TRPC4: variants seen among roughly 807,000 people sequenced by gnomAD.
TRPC4 encodes the protein short transient receptor potential channel 4.
In TRPC4, 49 loss-of-function variants were observed where a neutral mutation model predicts 99.4. That is an observed-to-expected ratio of 0.49 (90% CI 0.39 to 0.63). TRPC4 has a LOEUF of 0.63. Ranked by LOEUF, TRPC4 falls within the 20% of genes least tolerant of loss-of-function variation. TRPC4 has a pLI of 0.00. For synonymous variants in TRPC4, 454 were observed against 425.9 expected (o/e 1.07, Z -0.81); for missense variants, 898 against 1,152.9 (o/e 0.78, Z 3.20).
chr13:37,665,735 C>G (rs950550714), intron 5 of TRPC4, among the ~76,000 whole-genome samples: 1 of 151,404 alleles, frequency 6.6e-6, no homozygotes, highest in Non-Finnish European at 1.5e-5. Context: ...GGTTTAACAT[C>G]CAGGTCAGCT....
intron 8 of TRPC4, among the ~76,000 whole-genome samples, chr13:37,646,567 C>T (rs1951866153): frequency 6.6e-6 from 1 of 152,104 alleles, no homozygotes; most frequent in East Asian, 1.9e-4. Context: ...AAGCTCAGAT[C>T]TACTATGTAC....
At chr13:37,858,200 C>T (rs916415733) in intron 1 of TRPC4, among the ~76,000 whole-genome samples, 1 of 151,572 alleles carries the variant, frequency 6.6e-6, no homozygotes, top group African/African-American at 2.4e-5. Flanking sequence ...AAATGCAAAT[C>T]AAAACTACAA....
At chr13:37,704,818 C>T (rs1954213727) in intron 3 of TRPC4, among the ~76,000 whole-genome samples, 1 of 152,012 alleles carries the variant, frequency 6.6e-6, no homozygotes, top group African/African-American at 2.4e-5. Context: ...ATTATCATGG[C>T]ATATCATCAT....
chr13:37,739,986 C>A (rs1054140447), intron 3 of TRPC4, among the ~76,000 whole-genome samples: 1 of 152,080 alleles, frequency 6.6e-6, no homozygotes, highest in Non-Finnish European at 1.5e-5. Flanking sequence ...CAGTGGTTAA[C>A]AATGGTCAGC....
At chr13:37,784,953 G>A (rs1050970817) in intron 1 of TRPC4, among the ~76,000 whole-genome samples, 8 of 151,968 alleles carry the variant, frequency 5.3e-5, no homozygotes, top group Admixed American at 2.6e-4. Context: ...ATAGTATTTT[G>A]TAAAGCTACC....
intron 10 of TRPC4, among the ~76,000 whole-genome samples, chr13:37,638,251 C>A (rs1951597027): frequency 6.6e-6 from 1 of 152,080 alleles, no homozygotes; most frequent in Admixed American, 6.6e-5. Context: ...CTGCCCCAAC[C>A]TATCTCCTAA....
At chr13:37,668,597 T>C (rs945124787) in intron 5 of TRPC4, among the ~76,000 whole-genome samples, 3 of 152,170 alleles carry the variant, frequency 2.0e-5, no homozygotes, top group South Asian at 2.1e-4. Context: ...GCAGCAGTGT[T>C]AAGAGAGAAA....
chr13:37,834,594 T>C (rs1490603096), intron 1 of TRPC4, among the ~76,000 whole-genome samples: 1 of 152,206 alleles, frequency 6.6e-6, no homozygotes, highest in African/African-American at 2.4e-5. Flanking sequence ...GCCATACTTA[T>C]TGTGTTATGT....
intron 3 of TRPC4, among the ~76,000 whole-genome samples, chr13:37,696,110 A>C (rs1289987460): frequency 1.3e-5 from 2 of 152,202 alleles, no homozygotes; most frequent in Non-Finnish European, 2.9e-5. Context: ...GGTAAGAGGC[A>C]CATCTCACAT....
At chr13:37,795,090 T>C (rs1379367878) in intron 1 of TRPC4, among the ~76,000 whole-genome samples, 5 of 152,180 alleles carry the variant, frequency 3.3e-5, no homozygotes, top group African/African-American at 9.6e-5. Flanking sequence ...TTAGATAATA[T>C]GTATTTTTTA....
chr13:37,699,399 A>G (rs1566105805), intron 3 of TRPC4, among the ~76,000 whole-genome samples: 1 of 152,178 alleles, frequency 6.6e-6, no homozygotes, highest in Non-Finnish European at 1.5e-5. Flanking sequence ...AATAATAATT[A>G]AAAGATTTAT....
At chr13:37,847,780 G>A (rs1424647238) in intron 1 of TRPC4, among the ~76,000 whole-genome samples, 1 of 152,062 alleles carries the variant, frequency 6.6e-6, no homozygotes, top group Non-Finnish European at 1.5e-5. Context: ...TTTATAGATG[G>A]ATAAAGTGGA....
At chr13:37,749,045 C>T (rs1045273916) in intron 2 of TRPC4, among the ~76,000 whole-genome samples, 8 of 152,038 alleles carry the variant, frequency 5.3e-5, no homozygotes, top group Non-Finnish European at 1.0e-4. Flanking sequence ...ATGGTTTCTC[C>T]CATGCTGTTC....
At chr13:37,790,751 C>T (rs996374207) in intron 1 of TRPC4, among the ~76,000 whole-genome samples, 1 of 152,072 alleles carries the variant, frequency 6.6e-6, no homozygotes, top group African/African-American at 2.4e-5. Flanking sequence ...ATATTATCCT[C>T]CCCCCTTTGG....
chr13:37,656,339 G>A (rs983832343), intron 6 of TRPC4, among the ~76,000 whole-genome samples: 4 of 152,024 alleles, frequency 2.6e-5, no homozygotes, highest in Admixed American at 6.6e-5. Flanking sequence ...TCTCATACAC[G>A]GCATGATGAC....
At chr13:37,741,158 C>T (rs558177872) in intron 3 of TRPC4, among the ~76,000 whole-genome samples, 1 of 152,116 alleles carries the variant, frequency 6.6e-6, no homozygotes, top group Non-Finnish European at 1.5e-5. Context: ...TAATTACTTA[C>T]TTCACAATAT....
chr13:37,770,723 A>C (rs532861517), intron 2 of TRPC4, among the ~76,000 whole-genome samples: 7 of 151,746 alleles, frequency 4.6e-5, no homozygotes, highest in Admixed American at 4.6e-4. Context: ...TAATTTATCG[A>C]ATACACATTT....
rs745417913 is a variant in TRPC4, at chr13:37,746,144, C to T, written c.690G>A (p.Leu230=). 2.7e-5 allele frequency: 44 copies of T among 1,613,732 alleles called. No homozygotes were observed. The highest frequency in any genetic ancestry group is 3.1e-5 in the Non-Finnish European group (37 of 1,179,888). Residue 230 remains leucine (L), a synonymous_variant, in exon 3 of 11, where the codon CTG becomes CTA. Coordinates refer to ENST00000379705, the MANE Select transcript of TRPC4 (RefSeq NM_016179.4). The part of the protein sequence containing the change: ...AFQLSWELQE[L]SKVENEFKSE... ...ACTTGAATTCATTTTCCACCTTGCT[C>T]AGTTCCTGAAGTTCCCAACTTAACT...
chr13:37,823,566 A>G (rs951646257), intron 1 of TRPC4, among the ~76,000 whole-genome samples: 5 of 152,020 alleles, frequency 3.3e-5, no homozygotes, highest in Admixed American at 6.6e-5. Flanking sequence ...AGGTTTGTCA[A>G]AGATCAAATA....
Sources: gnomAD v4.1 joint callset for allele counts (sites outside exome capture counted in the v4.1 genomes callset) on GRCh38, gnomAD v4.1.1 for gene constraint, MANE v1.5 for transcripts, NCBI Gene and HGNC (gene_info 2026-07-23, HGNC 2026-07-21) for gene names.